ATP6V0A4: variants seen among roughly 807,000 people sequenced by gnomAD.
ATP6V0A4 encodes ATPase H+ transporting V0 subunit a4, also known as V-type proton ATPase 116 kDa subunit a 4.
ATP6V0A4 carries 86 observed loss-of-function variants against 107.3 expected under a neutral mutation model. The observed-to-expected ratio is 0.80, with a 90% CI of 0.67 to 0.96. The LOEUF is 0.96. ATP6V0A4 is among the 40% of genes least tolerant of loss of function. ATP6V0A4 has a pLI of 0.00. For missense variants in ATP6V0A4, 908 were observed against 1,045.6 expected (o/e 0.87, Z 1.81); for synonymous variants, 353 against 381.4 (o/e 0.93, Z 0.87).
At chr7:138,749,101 T>G in intron 12 of ATP6V0A4, 66 bp downstream of exon 12, 1 of 1,593,298 alleles carries the variant, frequency 6.3e-7, no homozygotes, top group Non-Finnish European at 8.6e-7. Flanking sequence ...CTCGGTCACC[T>G]CAGGGGTCCA....
At chr7:138,765,476 G>A (rs1439740458) in intron 5 of ATP6V0A4, among the ~76,000 whole-genome samples, 1 of 152,134 alleles carries the variant, frequency 6.6e-6, no homozygotes, top group Non-Finnish European at 1.5e-5. Flanking sequence ...GAAAAGCCAG[G>A]GCAGTTTCTG....
At position 138,733,058 on chromosome 7, in the gene ATP6V0A4, A is replaced by T. The variant is rs1416011626; in HGVS notation, c.1727T>A (p.Phe576Tyr). ...FRRTLNIILQ[F>Y]IPEMIFILCL... ...CAGGATAAAAATCATCTCAGGGATA[A>T]ATTGCAGAATGATGTTGAGAGTTCT... Residue 576 changes from phenylalanine (F) to tyrosine (Y), a missense_variant, in exon 17 of 22, where the codon TTT becomes TAT. Transcript: ENST00000310018. The T allele has an allele frequency of 6.2e-7, 1 of 1,614,090 alleles. No homozygotes were observed. Among genetic ancestry groups the T allele is most frequent in the East Asian group, 2.2e-5 (1 of 44,874 alleles).
intron 17 of ATP6V0A4, among the ~76,000 whole-genome samples, chr7:138,730,523 C>T (rs116635523): frequency 6.8e-4 from 104 of 152,256 alleles, no homozygotes; most frequent in African/African-American, 2.4e-3. Context: ...TTAATCTTCA[C>T]ACTAGGGTGT....
chr7:138,783,012 T>G (rs1287802320), intron 2 of ATP6V0A4, among the ~76,000 whole-genome samples: 1 of 151,696 alleles, frequency 6.6e-6, no homozygotes, highest in Admixed American at 6.6e-5. Context: ...GAGGCGGAGG[T>G]TGCAGTGAGC....
chr7:138,769,005 C>T (rs1198361461), intron 4 of ATP6V0A4, 131 bp from the exon 5 acceptor site: 1 of 1,569,806 alleles, frequency 6.4e-7, no homozygotes, highest in Non-Finnish European at 8.6e-7. Context: ...TGCCACAGCA[C>T]CTGGATCCCA....
At chr7:138,792,160 T>C (rs1316529553) in intron 1 of ATP6V0A4, among the ~76,000 whole-genome samples, 2 of 151,944 alleles carry the variant, frequency 1.3e-5, no homozygotes, top group Non-Finnish European at 2.9e-5. Context: ...TACAAAAACT[T>C]AGCTGGGCGT....
intron 20 of ATP6V0A4, among the ~76,000 whole-genome samples, chr7:138,712,921 G>C (rs995819931): frequency 5.3e-5 from 8 of 152,120 alleles, no homozygotes; most frequent in African/African-American, 1.7e-4. Flanking sequence ...ACGAAGCGCT[G>C]AGATCCACTC....
intron 3 of ATP6V0A4, among the ~76,000 whole-genome samples, chr7:138,769,889 G>A (rs536047449): frequency 6.6e-5 from 10 of 152,156 alleles, no homozygotes; most frequent in Admixed American, 6.6e-4. Flanking sequence ...ACCAACCTGG[G>A]CAACATAATG....
At chr7:138,778,894 C>G (rs1177937854) in intron 2 of ATP6V0A4, among the ~76,000 whole-genome samples, 2 of 152,166 alleles carry the variant, frequency 1.3e-5, no homozygotes, top group African/African-American at 4.8e-5. Flanking sequence ...CTCCCCCGAT[C>G]ATTGATGGTG....
intron 15 of ATP6V0A4, among the ~76,000 whole-genome samples, chr7:138,738,500 T>C (rs1805460780): frequency 6.6e-6 from 1 of 152,188 alleles, no homozygotes; most frequent in Non-Finnish European, 1.5e-5. Flanking sequence ...AACATGAAAT[T>C]CCTTTGACCA....
intron 1 of ATP6V0A4, among the ~76,000 whole-genome samples, chr7:138,791,588 A>C (rs905934514): frequency 6.6e-5 from 10 of 152,246 alleles, no homozygotes; most frequent in African/African-American, 9.6e-5. Flanking sequence ...AAAATAAAAG[A>C]GGCAAATTAT....
chr7:138,786,120 G>A (rs3823498), intron 2 of ATP6V0A4, 38 bp downstream of exon 2: 56,754 of 152,640 alleles, frequency 0.37, 12,028 homozygotes, highest in South Asian at 0.51. Context: ...CCTCCACCAC[G>A]GAGCCCTCCA....
chr7:138,764,006 A>G (rs1241979835), intron 5 of ATP6V0A4, among the ~76,000 whole-genome samples: 1 of 148,742 alleles, frequency 6.7e-6, no homozygotes, highest in Non-Finnish European at 1.5e-5. Flanking sequence ...ATATATATAC[A>G]CACACACACG....
intron 2 of ATP6V0A4, among the ~76,000 whole-genome samples, chr7:138,777,588 C>T (rs1179274188): frequency 6.9e-6 from 1 of 144,312 alleles, no homozygotes; most frequent in Non-Finnish European, 1.5e-5. Context: ...GCACCCCAGC[C>T]TGGGCAAAGA....
At chr7:138,769,306 T>A (rs1342302453) in intron 3 of ATP6V0A4, 55 bp from the exon 4 acceptor site, 2 of 1,553,236 alleles carry the variant, frequency 1.3e-6, no homozygotes, top group East Asian at 4.5e-5. Flanking sequence ...GCCAATAGAT[T>A]TCTTTCTTTT....
intron 14 of ATP6V0A4, among the ~76,000 whole-genome samples, chr7:138,743,393 G>A (rs1020472722): frequency 1.3e-5 from 2 of 151,362 alleles, no homozygotes; most frequent in African/African-American, 2.4e-5. Context: ...GGGAGGTGGA[G>A]GTTGCAGTGA....
intron 9 of ATP6V0A4, chr7:138,756,074 G>A (rs1397403568): frequency 1.5e-5 from 8 of 541,316 alleles, no homozygotes; most frequent in Admixed American, 3.2e-5. Flanking sequence ...CCCTTCCTAA[G>A]AATCTATTAA....
intron 8 of ATP6V0A4, among the ~76,000 whole-genome samples, chr7:138,758,874 G>A (rs867515337): frequency 5.6e-5 from 8 of 142,460 alleles, no homozygotes; most frequent in South Asian, 4.6e-4. Context: ...CCTCAGCCTC[G>A]CAAGTAGCTG....
At chr7:138,745,389 G>A in intron 13 of ATP6V0A4, 109 bp from the exon 14 acceptor site, 1 of 1,529,204 alleles carries the variant, frequency 6.5e-7, no homozygotes, top group South Asian at 1.1e-5. Context: ...GCACCCTTGG[G>A]GGAGCCACAT....
Sources: allele counts gnomAD v4.1 joint callset (sites outside exome capture counted in the v4.1 genomes callset), GRCh38; gene constraint gnomAD v4.1.1; transcripts MANE v1.5; gene names NCBI Gene and HGNC (gene_info 2026-07-23, HGNC 2026-07-21).